NEDD4: variants seen among roughly 807,000 people sequenced by gnomAD.
NEDD4 encodes the protein E3 ubiquitin-protein ligase NEDD4.
NEDD4 carries 99 observed loss-of-function variants against 144.9 expected under a neutral mutation model. That is an observed-to-expected ratio of 0.68 (90% confidence interval 0.58 to 0.81). The LOEUF is 0.81. Among genes scored for constraint, NEDD4 ranks in the 30% least tolerant of loss-of-function variants. NEDD4 has a pLI of 0.00. For missense variants in NEDD4, 985 were observed against 1,065.9 expected (o/e 0.92, Z 1.06); for synonymous variants, 318 against 350.6 (o/e 0.91, Z 1.04).
chr15:55,847,232 C>T (rs1406627685), intron 17 of NEDD4, among the ~76,000 whole-genome samples, 198 bp from the exon 18 acceptor site: 2 of 152,140 alleles, frequency 1.3e-5, no homozygotes, highest in African/African-American at 4.8e-5. Context: ...AAATTGTATT[C>T]AGCAATTCCT....
chr15:55,842,958 A>G (rs2033580654), intron 18 of NEDD4, among the ~76,000 whole-genome samples: 2 of 152,136 alleles, frequency 1.3e-5, no homozygotes, highest in African/African-American at 4.8e-5. Context: ...AACTCCCACA[A>G]TCTCCATGTG....
At chr15:55,860,306 T>C (rs1283159400) in intron 11 of NEDD4, 101 bp downstream of exon 11, 10 of 1,167,206 alleles carry the variant, frequency 8.6e-6, no homozygotes, top group African/African-American at 1.5e-5. Flanking sequence ...TTACATATTA[T>C]TGCATTTAAG....
rs748729687 is a variant in NEDD4, at chr15:55,852,445, A to G, written c.1125T>C (p.Thr375=). ...ATACCTGTACAGTGGGCTTTGTCCAAGTAGTCGTTCTGGAATTGTGATCTA... is the reference window on the plus strand; with the variant it reads ...ATACCTGTACAGTGGGCTTTGTCCAGGTAGTCGTTCTGGAATTGTGATCTA... The part of the protein sequence containing the change: ...YYVDHNSRTT[T]WTKPTVQATV... The change falls in exon 13 of 29, where the codon ACT becomes ACC. Residue 375 remains threonine, a synonymous_variant. Coordinates refer to ENST00000435532, the MANE Select transcript of NEDD4 (RefSeq NM_006154.4). 9 of 1,612,588 alleles carry G rather than the reference A, an allele frequency of 5.6e-6. No homozygotes were observed. The East Asian group carries it at 1.8e-4, about 32-fold the overall frequency.
At chr15:55,960,294 A>C (rs1381920613) in intron 2 of NEDD4, among the ~76,000 whole-genome samples, 1 of 152,196 alleles carries the variant, frequency 6.6e-6, no homozygotes, top group Non-Finnish European at 1.5e-5. Flanking sequence ...TGGGAGAGGC[A>C]GACACACCCT....
intron 6 of NEDD4, 50 bp from the exon 7 acceptor site, chr15:55,872,526 T>C (rs748059797): frequency 1.7e-5 from 14 of 838,844 alleles, no homozygotes; most frequent in Non-Finnish European, 2.4e-5. Context: ...ACCAAAAGCA[T>C]GTACTTTTCA....
rs1429297701 is a variant in NEDD4, at chr15:55,850,545, G to A, written c.1344C>T (p.Thr448=). The A allele has an allele frequency of 1.9e-6, 3 of 1,613,906 alleles. No individual in the cohort carries two copies. The highest frequency in any genetic ancestry group is 1.7e-6 in the Non-Finnish European group (2 of 1,179,934). Residue 448 remains threonine, a synonymous_variant, in exon 14 of 29, where the codon ACC becomes ACT. Transcript: ENST00000435532. ...AATGGAAAAGTATCAAAGTTACCCA[G>A]GTGGTGGTTTTAGTGTTGTGGTCAA... ...FFIDHNTKTT[T]WEDPRLKIPA...
intron 1 of NEDD4, among the ~76,000 whole-genome samples, chr15:55,979,914 T>C (rs1330897294): frequency 6.7e-6 from 1 of 148,764 alleles, no homozygotes; most frequent in East Asian, 2.2e-4. Flanking sequence ...ATTATAATTA[T>C]TACTTTTTTT....
chr15:55,896,335 G>A (rs544851934), intron 5 of NEDD4, among the ~76,000 whole-genome samples: 1 of 152,060 alleles, frequency 6.6e-6, no homozygotes, highest in East Asian at 1.9e-4. Flanking sequence ...GACATGCACC[G>A]GTATGCCTGG....
At chr15:55,985,926 C>G (rs2037883558) in intron 1 of NEDD4, among the ~76,000 whole-genome samples, 1 of 152,106 alleles carries the variant, frequency 6.6e-6, no homozygotes, top group Non-Finnish European at 1.5e-5. Context: ...TTGTAGATAG[C>G]TGAGCCAAGC....
chr15:55,987,012 G>GT (rs1430653347), intron 1 of NEDD4, among the ~76,000 whole-genome samples: 1 of 148,980 alleles, frequency 6.7e-6, no homozygotes, highest in Non-Finnish European at 1.5e-5. Context: ...GGGTCAAATG[G>GT]TATTTCTAGT....
chr15:55,847,179 A>G, intron 17 of NEDD4, 145 bp from the exon 18 acceptor site: 1 of 482,556 alleles, frequency 2.1e-6, no homozygotes, highest in East Asian at 3.5e-5. Context: ...AAACAAATAC[A>G]AAACTTTAAA....
At chr15:55,957,947 C>A (rs2037365036) in intron 2 of NEDD4, among the ~76,000 whole-genome samples, 1 of 152,042 alleles carries the variant, frequency 6.6e-6, no homozygotes, top group Non-Finnish European at 1.5e-5. Context: ...GGGTGGGGAA[C>A]ATCACACACC....
At chr15:55,844,003 CTGA>C (rs2033632609) in intron 18 of NEDD4, among the ~76,000 whole-genome samples, 1 of 152,034 alleles carries the variant, frequency 6.6e-6, no homozygotes, top group Non-Finnish European at 1.5e-5. Context: ...AGGACAATTG[CTGA>C]TGATAGAGAT....
chr15:55,986,992 T>C (rs904143632), intron 1 of NEDD4, among the ~76,000 whole-genome samples: 2 of 150,724 alleles, frequency 1.3e-5, no homozygotes, highest in Non-Finnish European at 3.0e-5. Context: ...TACCCAGTAA[T>C]GGGATGGCTG....
chr15:55,835,617 A>G (rs1335447703), intron 24 of NEDD4, among the ~76,000 whole-genome samples: 2 of 152,056 alleles, frequency 1.3e-5, no homozygotes, highest in Non-Finnish European at 2.9e-5. Context: ...AAATCCATAC[A>G]TCTCTATCCT....
At chr15:55,937,376 A>T (rs1242845896) in intron 4 of NEDD4, among the ~76,000 whole-genome samples, 1 of 152,188 alleles carries the variant, frequency 6.6e-6, no homozygotes, top group Non-Finnish European at 1.5e-5. Flanking sequence ...AGAGGACCAC[A>T]CATAATAATG....
intron 18 of NEDD4, among the ~76,000 whole-genome samples, chr15:55,844,220 G>C (rs1049290074): frequency 6.6e-6 from 1 of 152,102 alleles, no homozygotes; most frequent in Non-Finnish European, 1.5e-5. Flanking sequence ...AGGGATTATA[G>C]GGGAAAAATG....
At chr15:55,855,818 A>C (rs2034170804) in intron 12 of NEDD4, among the ~76,000 whole-genome samples, 1 of 152,240 alleles carries the variant, frequency 6.6e-6, no homozygotes, top group Non-Finnish European at 1.5e-5. Flanking sequence ...GCAGAACATC[A>C]GCAAATGGAC....
chr15:55,881,580 A>C (rs1010099883), intron 5 of NEDD4, among the ~76,000 whole-genome samples: 2 of 152,222 alleles, frequency 1.3e-5, no homozygotes, highest in Non-Finnish European at 2.9e-5. Context: ...GGAATAAAAT[A>C]TTTTGGGTAA....
Sources: gnomAD v4.1 joint callset for allele counts (sites outside exome capture counted in the v4.1 genomes callset) on GRCh38, gnomAD v4.1.1 for gene constraint, MANE v1.5 for transcripts, NCBI Gene and HGNC (gene_info 2026-07-23, HGNC 2026-07-21) for gene names.